The following ITGA9 variants were observed in gnomAD, a reference collection of about 807,000 sequenced individuals.
ITGA9 encodes the protein integrin alpha-9.
In ITGA9, 56 loss-of-function variants were observed where a neutral mutation model predicts 127.8. That is an observed-to-expected ratio of 0.44 (90% CI 0.35 to 0.55). ITGA9 has a LOEUF of 0.55. Among genes scored for constraint, ITGA9 ranks in the 20% least tolerant of loss-of-function variants. The pLI, the probability that ITGA9 is intolerant of heterozygous loss-of-function variation, is 0.00. For missense variants in ITGA9, 1,196 were observed against 1,347.1 expected, an observed-to-expected ratio of 0.89 and a Z score of 1.76; for synonymous variants, 508 against 514.5, an observed-to-expected ratio of 0.99 and a Z score of 0.17.
At chr3:37,638,049 T>A (rs1313604701) in intron 16 of ITGA9, among the ~76,000 whole-genome samples, 1 of 152,170 alleles carries the variant, frequency 6.6e-6, no homozygotes. Flanking sequence ...GTAGAGGAGT[T>A]AAACTAATAA....
chr3:37,641,360 G>T (rs1164521022), intron 16 of ITGA9, among the ~76,000 whole-genome samples: 1 of 152,150 alleles, frequency 6.6e-6, no homozygotes, highest in Admixed American at 6.5e-5. Context: ...TGCCATAAAG[G>T]TTGGAGAACA....
chr3:37,671,495 A>T (rs1409427226), intron 17 of ITGA9, among the ~76,000 whole-genome samples: 2 of 152,198 alleles, frequency 1.3e-5, no homozygotes, highest in Non-Finnish European at 2.9e-5. Context: ...AAAGTAATAC[A>T]TATTTACCTT....
chr3:37,509,842 C>T (rs571292143), intron 8 of ITGA9, among the ~76,000 whole-genome samples: 92 of 152,184 alleles, frequency 6.0e-4, no homozygotes, highest in African/African-American at 2.1e-3. Context: ...AGAAATAACT[C>T]TGTGCTACTT....
At chr3:37,524,398 G>A (rs569236371) in intron 12 of ITGA9, among the ~76,000 whole-genome samples, 21 of 152,260 alleles carry the variant, frequency 1.4e-4, no homozygotes, top group African/African-American at 3.9e-4. Context: ...GAAAACTAAC[G>A]CAGTCTTGTA....
At chr3:37,707,598 G>A (rs557437975) in intron 18 of ITGA9, among the ~76,000 whole-genome samples, 13 of 152,252 alleles carry the variant, frequency 8.5e-5, no homozygotes, top group African/African-American at 2.6e-4. Flanking sequence ...GAAATGAGGC[G>A]ATGTCAGGAT....
chr3:37,608,021 T>C (rs1204767546), intron 15 of ITGA9, among the ~76,000 whole-genome samples: 1 of 152,218 alleles, frequency 6.6e-6, no homozygotes, highest in African/African-American at 2.4e-5. Context: ...GATTTTCAGT[T>C]ACAGGTGAGC....
At chr3:37,755,451 A>G (rs1696641631) in intron 23 of ITGA9, among the ~76,000 whole-genome samples, 1 of 152,148 alleles carries the variant, frequency 6.6e-6, no homozygotes, top group Non-Finnish European at 1.5e-5. Flanking sequence ...AAGAACTAAT[A>G]CCAGAGGGTG....
chr3:37,631,254 C>T (rs546576779), intron 16 of ITGA9, among the ~76,000 whole-genome samples: 120 of 152,342 alleles, frequency 7.9e-4, no homozygotes, highest in Middle Eastern at 3.4e-3. Context: ...CCCTGTCCAG[C>T]ATCTTGCTAG....
chr3:37,724,503 C>T (rs536080866), intron 18 of ITGA9, among the ~76,000 whole-genome samples: 4 of 151,002 alleles, frequency 2.6e-5, no homozygotes, highest in African/African-American at 7.3e-5. Context: ...ATGCTGTCTC[C>T]TTTTTTTTTG....
chr3:37,604,917 G>A (rs1699954472), intron 15 of ITGA9, among the ~76,000 whole-genome samples: 4 of 152,178 alleles, frequency 2.6e-5, no homozygotes, highest in Admixed American at 2.6e-4. Flanking sequence ...AAGTTCATTA[G>A]TTTATTCAGC....
At chr3:37,565,706 C>G (rs1699539664) in intron 15 of ITGA9, among the ~76,000 whole-genome samples, 1 of 152,178 alleles carries the variant, frequency 6.6e-6, no homozygotes, top group African/African-American at 2.4e-5. Context: ...TATTGCTCTC[C>G]CTGCCCCATC....
rs905415458 is a variant in ITGA9, at chr3:37,653,660, T to C, written c.1840-54T>C. Reference sequence around the variant, plus strand: ...TGCAAGAAAGGAATTGGCCACTGTGTACTCGTTTGCCACTCAATCCTGCCC... The same window carrying C: ...TGCAAGAAAGGAATTGGCCACTGTGCACTCGTTTGCCACTCAATCCTGCCC... On this transcript the variant is annotated intron_variant, in intron 16 of 27. Transcript: ENST00000264741. 14 of 1,258,632 alleles carry C rather than the reference T, an allele frequency of 1.1e-5. No homozygotes were observed. In the South Asian group the frequency reaches 1.5e-4, roughly 14 times the overall value. 78.0% of individuals were successfully genotyped at this position (1,258,632 alleles called of 1,614,324 possible).
intron 15 of ITGA9, among the ~76,000 whole-genome samples, chr3:37,623,321 T>C (rs1188202404): frequency 6.6e-6 from 1 of 152,252 alleles, no homozygotes; most frequent in African/African-American, 2.4e-5. Context: ...CAAGTCCTCA[T>C]TGCGTTATTA....
At chr3:37,812,406 A>G (rs906058903) in intron 27 of ITGA9, among the ~76,000 whole-genome samples, 5 of 152,200 alleles carry the variant, frequency 3.3e-5, no homozygotes, top group African/African-American at 1.2e-4. Flanking sequence ...ACCAGATGTC[A>G]TGGTGTTGTC....
At chr3:37,633,052 A>G (rs897080767) in intron 16 of ITGA9, among the ~76,000 whole-genome samples, 1 of 152,210 alleles carries the variant, frequency 6.6e-6, no homozygotes, top group African/African-American at 2.4e-5. Context: ...ACTAACTCTC[A>G]AAAGTCTAAT....
intron 7 of ITGA9, 62 bp from the exon 8 acceptor site, chr3:37,508,497 C>T: frequency 7.3e-7 from 1 of 1,370,868 alleles, no homozygotes; most frequent in Non-Finnish European, 1.0e-6. Context: ...CAGGAGAGTG[C>T]TGATAAATAT....
Position 37,513,859 on chromosome 3 carries a change from A to G in ITGA9, c.994A>G (p.Arg332Gly), listed in dbSNP as rs755517251. The G allele has an allele frequency of 3.1e-6, 5 of 1,613,730 alleles. No homozygotes were observed. The South Asian group carries it at 3.3e-5, about 11-fold the overall frequency. The change falls in exon 9 of 28, where the codon AGG becomes GGG. Residue 332 changes from arginine to glycine, a missense_variant. Coordinates refer to ENST00000264741, the MANE Select transcript of ITGA9 (RefSeq NM_002207.3). ...GGGGGCCCCCATGTTTTCTGAGATC[A>G]GGGATGAGGGACAGGTCACTGTCTA... is the stretch of plus-strand genomic sequence containing the variant. The part of the protein sequence containing the change: ...LVGAPMFSEI[R>G]DEGQVTVYIN...
intron 26 of ITGA9, among the ~76,000 whole-genome samples, chr3:37,787,788 C>A (rs1697059236): frequency 6.6e-6 from 1 of 152,120 alleles, no homozygotes; most frequent in Admixed American, 6.6e-5. Flanking sequence ...GGCAAAGTTT[C>A]AAAGATTTTA....
chr3:37,815,558 G>A lies in ITGA9; in HGVS notation c.3010-3333G>A, dbSNP rs573388674. On this transcript the variant is annotated intron_variant, in intron 27 of 27. Coordinates refer to ENST00000264741, the MANE Select transcript of ITGA9 (RefSeq NM_002207.3). ...TGGGAGGCAGAGGTTGCAGTGAGCCGAGATGGCGCCATTGCACTCCAGCCT... is the reference window on the plus strand; with the variant it reads ...TGGGAGGCAGAGGTTGCAGTGAGCCAAGATGGCGCCATTGCACTCCAGCCT... 4.6e-5 allele frequency among the ~76,000 whole-genome samples: 7 copies of A among 151,140 alleles called. No individual in the cohort carries two copies. The East Asian group carries it at 7.8e-4, about 17-fold the overall frequency.
Sources: gnomAD v4.1 joint callset for allele counts (sites outside exome capture counted in the v4.1 genomes callset) on GRCh38, gnomAD v4.1.1 for gene constraint, MANE v1.5 for transcripts, NCBI Gene and HGNC (gene_info 2026-07-23, HGNC 2026-07-21) for gene names.